The following ALPL variants were observed in gnomAD, a reference collection of about 807,000 sequenced individuals.
ALPL encodes alkaline phosphatase, tissue-nonspecific isozyme.
A neutral mutation model predicts 51.3 loss-of-function variants in ALPL; 42 were observed. The observed-to-expected ratio is 0.82, with a 90% CI of 0.64 to 1.06. ALPL has a LOEUF of 1.06. Among genes scored for constraint, ALPL ranks in the 50% least tolerant of loss-of-function variants. The pLI, the probability that ALPL is intolerant of heterozygous loss-of-function variation, is 0.00. For missense variants in ALPL, 589 were observed against 709.4 expected (o/e 0.83, Z 1.93); for synonymous variants, 279 against 296.4 (o/e 0.94, Z 0.60).
At chr1:21,519,338 C>T (rs375794770) in intron 1 of ALPL, among the ~76,000 whole-genome samples, 6 of 152,344 alleles carry the variant, frequency 3.9e-5, no homozygotes, top group South Asian at 2.1e-4. Context: ...AGGCTCAGTG[C>T]GGGGCCCGCG....
Position 21,561,203 on chromosome 1 carries a change from C to T in ALPL, c.288C>T (p.Ala96=), listed in dbSNP as rs1328994902. Residue 96 remains alanine, a synonymous_variant, in exon 4 of 12, where the codon GCC becomes GCT. Transcript: ENST00000374840. ...RLEMDKFPFV[A]LSKTYNTNAQ... is the part of the protein sequence containing the mutation. ...AGATGGACAAGTTCCCCTTCGTGGCCCTCTCCAAGGTGAGCCCCATCCCCA... is the reference window on the plus strand; with the variant it reads ...AGATGGACAAGTTCCCCTTCGTGGCTCTCTCCAAGGTGAGCCCCATCCCCA... The T allele has an allele frequency of 1.2e-6, 2 of 1,608,962 alleles. No individual in the cohort carries two copies. Among genetic ancestry groups the T allele is most frequent in the South Asian group, 1.1e-5 (1 of 89,898 alleles).
intron 1 of ALPL, among the ~76,000 whole-genome samples, chr1:21,524,890 G>A (rs1405054252): frequency 6.6e-6 from 1 of 152,224 alleles, no homozygotes; most frequent in Non-Finnish European, 1.5e-5. Flanking sequence ...CAGTCCTGGT[G>A]TCTCCAGGAC....
chr1:21,565,434 G>T (rs1387181371), intron 6 of ALPL, among the ~76,000 whole-genome samples: 1 of 152,168 alleles, frequency 6.6e-6, no homozygotes, highest in African/African-American at 2.4e-5. Context: ...CTTGCTCCCA[G>T]GGCCGTGGGA....
rs2148180137 is a variant in ALPL, at chr1:21,571,716, G to C, written c.862+1342G>C. Among the ~76,000 whole-genome samples the C allele has an allele frequency of 2.0e-5, 3 of 151,692 alleles. No individual in the cohort carries two copies. The Middle Eastern group carries it at 0.01, about 519-fold the overall frequency. The stretch of plus-strand genomic sequence containing the variant: ...AAACACGAAAAAACTTAGGCCAGGT[G>C]CAATGGCTCGCGCCTGTAATCCTAG... On this transcript the variant is annotated intron_variant, in intron 8 of 11. Transcript: ENST00000374840.
At chr1:21,548,335 T>C (rs116658923) in intron 1 of ALPL, among the ~76,000 whole-genome samples, 6,630 of 152,266 alleles carry the variant, frequency 0.044, 194 homozygotes, top group African/African-American at 0.057. Context: ...GTCCCCACCC[T>C]CTCCTTGTCC....
chr1:21,555,101 T>C (rs1177424310), intron 2 of ALPL, among the ~76,000 whole-genome samples: 1 of 144,550 alleles, frequency 6.9e-6, no homozygotes, highest in Admixed American at 7.1e-5. Flanking sequence ...TTTTATAAGA[T>C]AGGGGTAGGT....
At chr1:21,542,892 C>T (rs1570230103) in intron 1 of ALPL, among the ~76,000 whole-genome samples, 1 of 152,244 alleles carries the variant, frequency 6.6e-6, no homozygotes, top group East Asian at 1.9e-4. Context: ...CGGCTTATAC[C>T]TGTAATCCAA....
chr1:21,530,862 C>T (rs1199485614), intron 1 of ALPL, among the ~76,000 whole-genome samples: 1 of 149,448 alleles, frequency 6.7e-6, no homozygotes, highest in African/African-American at 2.5e-5. Context: ...CTCACTGGAG[C>T]CTCGACATCC....
At chr1:21,515,424 T>C (rs1208838486) in intron 1 of ALPL, among the ~76,000 whole-genome samples, 1 of 152,224 alleles carries the variant, frequency 6.6e-6, no homozygotes, top group East Asian at 1.9e-4. Flanking sequence ...AGTATCGCTC[T>C]GTTCCCCAGG....
Position 21,554,823 on chromosome 1 carries a change from T to G in ALPL, c.61+681T>G, listed in dbSNP as rs372272296. Among the ~76,000 whole-genome samples the G allele has an allele frequency of 9.3e-3, 951 of 102,724 alleles. 13 individuals are homozygous for G. The highest frequency in any genetic ancestry group is 0.023 in the African/African-American group (632 of 27,120). The allele number at this position is 102,724 out of a possible 152,430, so 67.4% of individuals were successfully genotyped here. On this transcript the variant is annotated intron_variant, in intron 2 of 11. Transcript: ENST00000374840. ...TGTCTGTCTGTCTGTCTGTCTTTCT[T>G]TCTTTCTTTCTTTCTTTCTTTCTTT...
intron 1 of ALPL, among the ~76,000 whole-genome samples, chr1:21,511,353 T>C (rs1036954174): frequency 2.0e-5 from 3 of 152,246 alleles, no homozygotes; most frequent in Non-Finnish European, 4.4e-5. Context: ...GTTCCCTCTC[T>C]GTGCCTCGGC....
intron 1 of ALPL, among the ~76,000 whole-genome samples, chr1:21,538,562 C>T (rs924418658): frequency 5.3e-5 from 8 of 152,190 alleles, no homozygotes; most frequent in East Asian, 1.9e-4. Flanking sequence ...TCCCACAGCC[C>T]GGCGCCTCCT....
In ALPL at chr1:21,577,874, T is replaced by C; in HGVS notation, c.*226T>C. On this transcript the variant is annotated 3_prime_UTR_variant, in exon 12 of 12. Transcript: ENST00000374840. ...GCCTTTGCTCCCTCCCCGCTGCCCTTTGGCCAACAGGGTAGATTTCTCTTG... is the reference window on the plus strand; with the variant it reads ...GCCTTTGCTCCCTCCCCGCTGCCCTCTGGCCAACAGGGTAGATTTCTCTTG... 1 of 619,530 alleles carries C rather than the reference T, an allele frequency of 1.6e-6. No homozygotes were observed. The highest frequency in any genetic ancestry group is 2.0e-5 in the South Asian group (1 of 50,220). The allele number at this position is 619,530 out of a possible 1,614,324, so 38.4% of individuals were successfully genotyped here.
In ALPL at chr1:21,564,409, G is replaced by A. The variant is rs980151458; in HGVS notation, c.648+193G>A. Among the ~76,000 whole-genome samples the A allele has an allele frequency of 3.3e-5, 5 of 152,242 alleles. No homozygotes were observed. Among genetic ancestry groups the A allele is most frequent in the Admixed American group, 6.5e-5 (1 of 15,304 alleles). ...TGGGATTTCTCTGCGGTGGGGCTGC[G>A]GGGTGAACCCTCATGTGACCGCCAC... On this transcript the variant is annotated intron_variant, in intron 6 of 11. Transcript: ENST00000374840. This position sits in a 1 kb window ranked among gnomAD's most constrained non-coding sequence, Gnocchi z 5.8.
At chr1:21,560,596 C>G (rs373805097) in intron 2 of ALPL, 30 bp from the exon 3 acceptor site, 21 of 1,613,160 alleles carry the variant, frequency 1.3e-5, no homozygotes, top group Non-Finnish European at 1.6e-5. Context: ...ATCCTTACCC[C>G]GCCAAGTAAC....
intron 1 of ALPL, chr1:21,551,264 A>C (rs1377610388): frequency 6.6e-6 from 1 of 152,246 alleles, no homozygotes; most frequent in East Asian, 1.9e-4. Flanking sequence ...CAAACAAGAC[A>C]AAGTCCTCAC....
In ALPL at chr1:21,577,401, C is replaced by G. The variant is rs768053120; in HGVS notation, c.1328C>G (p.Ala443Gly). Residue 443 changes from alanine to glycine, a missense_variant, in exon 12 of 12, where the codon GCG becomes GGG. Transcript: ENST00000374840. ...CCCACAGCTCACAACAACTACCAGG[C>G]GCAGTCTGCTGTGCCCCTGCGCCAC... ...MVDYAHNNYQAQSAVPLRHET... is the reference protein window; with the variant it reads ...MVDYAHNNYQGQSAVPLRHET... 1.2e-6 allele frequency: 2 copies of G among 1,613,312 alleles called. No individual in the cohort carries two copies. The highest frequency in any genetic ancestry group is 1.3e-5 in the African/African-American group (1 of 75,070).
At chr1:21,571,669 C>A (rs1644650390) in intron 8 of ALPL, among the ~76,000 whole-genome samples, 1 of 149,778 alleles carries the variant, frequency 6.7e-6, no homozygotes. Flanking sequence ...AAGACTCCGT[C>A]TAAAAACAAA....
intron 8 of ALPL, among the ~76,000 whole-genome samples, chr1:21,572,651 G>A (rs10917018): frequency 0.036 from 5,481 of 152,176 alleles, 309 homozygotes; most frequent in African/African-American, 0.12. Flanking sequence ...GTGTGCATGG[G>A]AGCTATTGTT....
Sources: allele counts gnomAD v4.1 joint callset (sites outside exome capture counted in the v4.1 genomes callset), GRCh38; gene constraint gnomAD v4.1.1; non-coding constraint Gnocchi (gnomAD v3.1); transcripts MANE v1.5; gene names NCBI Gene and HGNC (gene_info 2026-07-23, HGNC 2026-07-21).